XIRP2: variants seen among roughly 807,000 people sequenced by gnomAD.
XIRP2 encodes the protein xin actin binding repeat containing 2, also known as xin actin-binding repeat-containing protein 2.
XIRP2 carries 236 observed loss-of-function variants against 277.0 expected under a neutral mutation model. That is an observed-to-expected ratio of 0.85 (90% CI 0.77 to 0.95). The LOEUF (loss-of-function observed/expected upper bound fraction) is 0.95. Among genes scored for constraint, XIRP2 ranks in the 40% least tolerant of loss-of-function variants. XIRP2 has a pLI of 0.00. For synonymous variants in XIRP2, 1,490 were observed against 1,416.5 expected (o/e 1.05, Z -1.17); for missense variants, 4,640 against 4,157.5 (o/e 1.12, Z -3.19).
chr2:166,925,338 T>C (rs1217871347), intron 2 of XIRP2, among the ~76,000 whole-genome samples: 1 of 151,926 alleles, frequency 6.6e-6, no homozygotes, highest in Non-Finnish European at 1.5e-5. Flanking sequence ...GAATGACTGA[T>C]GCATTCAGAG....
rs373000528 is a variant in XIRP2, at chr2:167,249,020, C to A, written c.7628C>A (p.Pro2543His). ...PKPYMRKFKT[P>H]LMIAEEKYRQ... is the part of the protein sequence containing the mutation. ...CCTTATATGAGAAAATTTAAGACAC[C>A]TTTAATGATTGCTGAAGAAAAATAT... The change falls in exon 9 of 11, where the codon CCT becomes CAT. Residue 2543 changes from proline (P) to histidine (H), a missense_variant. Coordinates refer to ENST00000409195, the MANE Select transcript of XIRP2 (RefSeq NM_152381.6). 3 of 1,611,526 alleles carry A rather than the reference C, an allele frequency of 1.9e-6. No homozygotes were observed. Among genetic ancestry groups the A allele is most frequent in the Non-Finnish European group, 2.5e-6 (3 of 1,179,260 alleles).
intron 2 of XIRP2, among the ~76,000 whole-genome samples, chr2:166,970,084 T>C (rs1484665721): frequency 2.6e-5 from 4 of 152,040 alleles, no homozygotes; most frequent in Non-Finnish European, 5.9e-5. Context: ...CAGAATCTTA[T>C]TGGAGCCCTG....
intron 5 of XIRP2, among the ~76,000 whole-genome samples, 197 bp from the exon 6 acceptor site, chr2:167,239,658 C>T (rs1041838231): frequency 1.3e-5 from 2 of 152,132 alleles, no homozygotes; most frequent in African/African-American, 4.8e-5. Flanking sequence ...GGGCTTCTGA[C>T]CTATAGAAGT....
chr2:166,960,427 C>G (rs1193290604), intron 2 of XIRP2, among the ~76,000 whole-genome samples: 4 of 151,636 alleles, frequency 2.6e-5, no homozygotes, highest in Non-Finnish European at 5.9e-5. Flanking sequence ...AGTCTCCCAC[C>G]AGGATCAGGT....
At chr2:167,257,694 T>C (rs556759329) in intron 10 of XIRP2, among the ~76,000 whole-genome samples, 163 bp from the exon 11 acceptor site, 2 of 152,108 alleles carry the variant, frequency 1.3e-5, no homozygotes, top group South Asian at 2.1e-4. Context: ...ATATAAAGTA[T>C]TGGTGGTAAT....
intron 10 of XIRP2, among the ~76,000 whole-genome samples, chr2:167,257,003 A>G (rs2105456539): frequency 6.6e-6 from 1 of 152,068 alleles, no homozygotes; most frequent in Admixed American, 6.6e-5. Context: ...TCCTTACCAC[A>G]GGGACCTTGC....
chr2:167,168,036 G>A (rs1179496487), intron 3 of XIRP2, among the ~76,000 whole-genome samples: 1 of 152,060 alleles, frequency 6.6e-6, no homozygotes, highest in African/African-American at 2.4e-5. Context: ...CTCAACACTT[G>A]TATATTTCAC....
intron 1 of XIRP2, among the ~76,000 whole-genome samples, chr2:166,902,234 C>T (rs1347968711): frequency 3.9e-5 from 6 of 152,032 alleles, no homozygotes; most frequent in East Asian, 3.9e-4. Flanking sequence ...TGAAGGAGTT[C>T]GGAGTAGAAA....
chr2:167,028,694 A>G (rs762701308), intron 2 of XIRP2, among the ~76,000 whole-genome samples: 4 of 151,988 alleles, frequency 2.6e-5, no homozygotes, highest in Non-Finnish European at 4.4e-5. Flanking sequence ...CATCCAGGAA[A>G]ACATGACATC....
At chr2:166,980,390 T>A (rs1686832420) in intron 2 of XIRP2, among the ~76,000 whole-genome samples, 1 of 152,172 alleles carries the variant, frequency 6.6e-6, no homozygotes, top group Non-Finnish European at 1.5e-5. Context: ...ATTGTAGTTA[T>A]AAATTTTAAT....
chr2:167,034,432 T>G (rs1688452961), intron 2 of XIRP2, among the ~76,000 whole-genome samples: 1 of 151,802 alleles, frequency 6.6e-6, no homozygotes, highest in African/African-American at 2.4e-5. Context: ...AGTCCTTACT[T>G]ATTAATAATT....
chr2:166,913,058 C>T (rs1332435336), intron 2 of XIRP2, among the ~76,000 whole-genome samples: 2 of 152,180 alleles, frequency 1.3e-5, no homozygotes, highest in African/African-American at 4.8e-5. Context: ...GTCAGGGACC[C>T]ACTTGAGGAG....
Position 167,248,677 on chromosome 2 carries a change from C to A in XIRP2, c.7285C>A (p.Leu2429Ile). The change falls in exon 9 of 11, where the codon CTT becomes ATT. Residue 2429 changes from leucine to isoleucine, a missense_variant. Leu to Ile is a conservative substitution (Grantham distance 5). Transcript: ENST00000409195. The part of the protein sequence containing the change: ...LPPPTLPKPK[L>I]PKHIKDNKND... ...ACCTCCCACATTGCCCAAACCCAAA[C>A]TTCCCAAGCATATAAAAGATAATAA... 1 of 1,613,746 alleles carries A rather than the reference C, an allele frequency of 6.2e-7. No homozygotes were observed. Among genetic ancestry groups the A allele is most frequent in the Non-Finnish European group, 8.5e-7 (1 of 1,179,832 alleles).
chr2:167,123,626 C>A (rs1691119952), intron 2 of XIRP2, among the ~76,000 whole-genome samples: 1 of 152,126 alleles, frequency 6.6e-6, no homozygotes, highest in South Asian at 2.1e-4. Context: ...CTCTCCGTGG[C>A]TTGCAGATGG....
chr2:166,980,656 T>C (rs1686840325), intron 2 of XIRP2, among the ~76,000 whole-genome samples: 1 of 152,014 alleles, frequency 6.6e-6, no homozygotes, highest in South Asian at 2.1e-4. Context: ...GACCTCAGGT[T>C]ATCCACCCAC....
intron 2 of XIRP2, among the ~76,000 whole-genome samples, chr2:166,911,820 C>G (rs1182438557): frequency 2.6e-5 from 4 of 152,162 alleles, no homozygotes; most frequent in Non-Finnish European, 5.9e-5. Context: ...GACAAAATCT[C>G]TCAGCATTTG....
intron 3 of XIRP2, among the ~76,000 whole-genome samples, chr2:167,148,647 A>G (rs1321302428): frequency 6.6e-6 from 1 of 152,094 alleles, no homozygotes; most frequent in Non-Finnish European, 1.5e-5. Flanking sequence ...GAAAGACAAG[A>G]TTGTCAGGTT....
rs989451951 is a variant in XIRP2 at position 167,093,664 on chromosome 2, G to A, written c.409-42245G>A. On this transcript the variant is annotated intron_variant, in intron 2 of 10. Coordinates refer to ENST00000409195, the MANE Select transcript of XIRP2 (RefSeq NM_152381.6). The stretch of plus-strand genomic sequence containing the variant: ...AATGAACTCATTCTTTTTTATGGCT[G>A]CATGGTATTCCATGGTGTATATGTG... Among the ~76,000 whole-genome samples the A allele has an allele frequency of 3.7e-4, 57 of 152,240 alleles. 1 individual carries two copies. The highest frequency in any genetic ancestry group is 1.1e-3 in the African/African-American group (46 of 41,514).
intron 3 of XIRP2, among the ~76,000 whole-genome samples, chr2:167,161,718 G>C (rs1364905005): frequency 9.2e-5 from 14 of 152,204 alleles, no homozygotes; most frequent in Admixed American, 9.2e-4. Flanking sequence ...CCTCTGACAT[G>C]TCTTGGAGAC....
Sources: allele counts gnomAD v4.1 joint callset (sites outside exome capture counted in the v4.1 genomes callset), GRCh38; gene constraint gnomAD v4.1.1; transcripts MANE v1.5; gene names NCBI Gene and HGNC (gene_info 2026-07-23, HGNC 2026-07-21).